Variants in CDH8 observed in about 807,000 individuals in gnomAD.
CDH8 encodes the protein cadherin 8, also known as cadherin-8.
A neutral mutation model predicts 68.1 loss-of-function variants in CDH8; 17 were observed. The observed-to-expected ratio is 0.25, with a 90% confidence interval of 0.17 to 0.37. The LOEUF (loss-of-function observed/expected upper bound fraction) is 0.37, where lower values mean the gene tolerates loss of function less well. Ranked by LOEUF, CDH8 falls within the 10% of genes least tolerant of loss-of-function variation. The pLI is 1.00. For missense variants in CDH8, 763 were observed against 999.3 expected, an observed-to-expected ratio of 0.76 and a Z score of 3.19; for synonymous variants, 372 against 365.1, an observed-to-expected ratio of 1.02 and a Z score of -0.21.
chr16:61,956,476 T>C (rs1342019509), intron 2 of CDH8, among the ~76,000 whole-genome samples: 1 of 152,238 alleles, frequency 6.6e-6, no homozygotes, highest in African/African-American at 2.4e-5. Flanking sequence ...TGTTCTATTA[T>C]ATTCTTTAAT....
intron 8 of CDH8, among the ~76,000 whole-genome samples, chr16:61,783,565 C>T (rs1199001634): frequency 6.6e-6 from 1 of 150,472 alleles, no homozygotes; most frequent in Non-Finnish European, 1.5e-5. Context: ...GGCCAACGTT[C>T]AGATTCAGGA....
intron 3 of CDH8, among the ~76,000 whole-genome samples, chr16:61,881,448 A>C (rs1392434540): frequency 6.6e-6 from 1 of 152,228 alleles, no homozygotes. Context: ...TATTGCCTAC[A>C]GTAAAGGTAA....
chr16:61,740,647 A>C, intron 8 of CDH8, among the ~76,000 whole-genome samples: 1 of 152,172 alleles, frequency 6.6e-6, no homozygotes, highest in Non-Finnish European at 1.5e-5. Flanking sequence ...GAATTCATAC[A>C]GTGTATACAT....
At chr16:61,860,008 TA>T (rs1474626622) in intron 3 of CDH8, among the ~76,000 whole-genome samples, 1 of 152,130 alleles carries the variant, frequency 6.6e-6, no homozygotes, top group African/African-American at 2.4e-5. Flanking sequence ...CATGCCCAGC[TA>T]ATTTTTGTAT....
At chr16:61,860,448 A>G (rs1963129083) in intron 3 of CDH8, among the ~76,000 whole-genome samples, 1 of 152,220 alleles carries the variant, frequency 6.6e-6, no homozygotes, top group Non-Finnish European at 1.5e-5. Flanking sequence ...AGAATGAATA[A>G]TAAGAAAAAG....
chr16:61,867,629 A>G (rs1332519238), intron 3 of CDH8, among the ~76,000 whole-genome samples: 1 of 152,162 alleles, frequency 6.6e-6, no homozygotes, highest in African/African-American at 2.4e-5. Flanking sequence ...GAGAATGGAA[A>G]GTTAGTAAAG....
intron 4 of CDH8, among the ~76,000 whole-genome samples, chr16:61,842,886 T>A (rs573470741): frequency 2.6e-5 from 4 of 152,198 alleles, no homozygotes; most frequent in Non-Finnish European, 2.9e-5. Flanking sequence ...TGACATTTAC[T>A]GAAATGGTTG....
intron 2 of CDH8, among the ~76,000 whole-genome samples, chr16:61,973,993 G>A (rs1356974860): frequency 6.6e-6 from 1 of 152,102 alleles, no homozygotes; most frequent in African/African-American, 2.4e-5. Context: ...TAAACCTTTT[G>A]AATGTATGAA....
intron 7 of CDH8, among the ~76,000 whole-genome samples, chr16:61,811,908 G>A (rs1961957163): frequency 6.6e-6 from 1 of 152,124 alleles, no homozygotes; most frequent in Non-Finnish European, 1.5e-5. Flanking sequence ...AGAAAATGGG[G>A]CATTGCTAAT....
chr16:61,675,600 AAAAAAAAAT>A (rs1328767847), intron 10 of CDH8, among the ~76,000 whole-genome samples: 4 of 98,460 alleles, frequency 4.1e-5, no homozygotes, highest in East Asian at 4.5e-4. Context: ...AAAGTATAAT[AAAAAAAAAT>A]AAAAAAAATA....
intron 2 of CDH8, among the ~76,000 whole-genome samples, chr16:61,930,325 AT>A (rs1228191091): frequency 6.6e-6 from 1 of 151,782 alleles, no homozygotes; most frequent in Non-Finnish European, 1.5e-5. Context: ...ATACGCAGGC[AT>A]TTTTTAATGA....
intron 2 of CDH8, among the ~76,000 whole-genome samples, chr16:61,979,551 C>G (rs1011032769): frequency 6.6e-6 from 1 of 152,012 alleles, no homozygotes; most frequent in Admixed American, 6.6e-5. Flanking sequence ...CAGCCTCTAT[C>G]AACCAAATGT....
intron 8 of CDH8, among the ~76,000 whole-genome samples, chr16:61,738,676 T>C (rs1265884816): frequency 6.6e-6 from 1 of 152,114 alleles, no homozygotes; most frequent in Non-Finnish European, 1.5e-5. Flanking sequence ...AACTATTATG[T>C]TTTCTATTTT....
chr16:61,852,131 G>A (rs1297142085), intron 4 of CDH8, among the ~76,000 whole-genome samples: 1 of 152,056 alleles, frequency 6.6e-6, no homozygotes, highest in Non-Finnish European at 1.5e-5. Flanking sequence ...CATAGTAAGA[G>A]TTCAATAAAT....
intron 9 of CDH8, chr16:61,726,872 C>A (rs552826700): frequency 4.9e-5 from 26 of 528,908 alleles, no homozygotes; most frequent in African/African-American, 7.8e-5. Flanking sequence ...GTTTGTGGCA[C>A]AGCAGGTTGT....
At chr16:61,709,124 A>T (rs1487160431) in intron 10 of CDH8, among the ~76,000 whole-genome samples, 1 of 152,064 alleles carries the variant, frequency 6.6e-6, no homozygotes, top group Non-Finnish European at 1.5e-5. Context: ...TGTTTTTATA[A>T]AGGACACTTG....
chr16:61,771,595 C>T (rs1290492119), intron 8 of CDH8, among the ~76,000 whole-genome samples: 1 of 151,424 alleles, frequency 6.6e-6, no homozygotes, highest in Non-Finnish European at 1.5e-5. Flanking sequence ...AAGTCAGAGT[C>T]CTTTAAACAT....
intron 2 of CDH8, chr16:61,918,536 G>C (rs1964291124): frequency 6.5e-6 from 1 of 153,110 alleles, no homozygotes; most frequent in Admixed American, 6.5e-5. Flanking sequence ...CCCTTTCCGA[G>C]TCAAAGAAAG....
chr16:61,647,772 A>T lies in CDH8; in HGVS notation c.*5836T>A, dbSNP rs1386491234. 1.4e-6 allele frequency: 1 copy of T among 698,188 alleles called. No homozygotes were observed. The highest frequency in any genetic ancestry group is 2.6e-6 in the Non-Finnish European group (1 of 382,188). The allele number at this position is 698,188 out of a possible 1,614,324, so 43.2% of individuals were successfully genotyped here. ...AAGAAATTAACATTTGGCTTTGGTG[A>T]CCTCTCATTTCCTTTTCTGGTCCTG... On this transcript the variant is annotated 3_prime_UTR_variant, in exon 12 of 12. Coordinates refer to ENST00000577390, the MANE Select transcript of CDH8 (RefSeq NM_001796.5).
Sources: allele counts gnomAD v4.1 joint callset (sites outside exome capture counted in the v4.1 genomes callset), GRCh38; gene constraint gnomAD v4.1.1; transcripts MANE v1.5; gene names NCBI Gene and HGNC (gene_info 2026-07-23, HGNC 2026-07-21).